MCRIP2: variants seen among roughly 807,000 people sequenced by gnomAD.
MCRIP2 encodes MAPK regulated corepressor interacting protein 2.
A neutral mutation model predicts 23.2 loss-of-function variants in MCRIP2; 21 were observed. That is an observed-to-expected ratio of 0.90 (90% CI 0.64 to 1.30). The LOEUF (loss-of-function observed/expected upper bound fraction) is 1.30. Among genes scored for constraint, MCRIP2 ranks in the 50% most tolerant of loss-of-function variants. The probability of loss-of-function intolerance (pLI) is 0.00; values close to 1 mark genes in which losing one functional copy is unlikely to be tolerated. For synonymous variants in MCRIP2, 121 were observed against 100.2 expected (o/e 1.21, Z -1.24); for missense variants, 234 against 223.2 (o/e 1.05, Z -0.31).
chr16:647,877 G>A lies in MCRIP2; in HGVS notation c.405G>A (p.Arg135=), dbSNP rs2151111098. 1 of 1,540,410 alleles carries A rather than the reference G, an allele frequency of 6.5e-7. No individual in the cohort carries two copies. Among genetic ancestry groups the A allele is most frequent in the East Asian group, 2.4e-5 (1 of 41,186 alleles). Reference sequence around the variant, plus strand: ...ACGTGGAGAGGACCCCCAATCCCCGGCTGCAGAGTGAGCCCCCCAACCCTG... The same window carrying A: ...ACGTGGAGAGGACCCCCAATCCCCGACTGCAGAGTGAGCCCCCCAACCCTG... ...VQYVERTPNP[R]LQNFVPIDLD... Residue 135 remains arginine, a synonymous_variant, in exon 4 of 5, where the codon CGG becomes CGA. Coordinates refer to ENST00000307650, the MANE Select transcript of MCRIP2 (RefSeq NM_138418.4).
intron 2 of MCRIP2, among the ~76,000 whole-genome samples, chr16:644,800 C>T (rs574863306): frequency 6.6e-5 from 10 of 151,216 alleles, no homozygotes; most frequent in African/African-American, 1.9e-4. Flanking sequence ...ACTGACTGGG[C>T]GCGGGAGGGG....
In MCRIP2 at chr16:642,043, G is replaced by A. The variant is rs893191802; in HGVS notation, c.52G>A (p.Gly18Ser). Residue 18 changes from glycine (G) to serine (S), a missense_variant and splice_region_variant, in exon 1 of 5, where the codon GGT becomes AGT. By Grantham distance (56) the Gly-to-Ser change is moderately conservative. Transcript: ENST00000307650. Reference protein sequence around the residue: ...PSKLVAQRRTGPTQQQVEGRL... With the variant: ...PSKLVAQRRTSPTQQQVEGRL... ...CAAGCTGGTCGCGCAGCGCCGCACA[G>A]GTGCGCACGGGCCGGGGAACGGGAA... 4 of 1,322,008 alleles carry A rather than the reference G, an allele frequency of 3.0e-6. No individual in the cohort carries two copies. The African/African-American group carries it at 4.6e-5, about 15-fold the overall frequency. 81.9% of individuals were successfully genotyped at this position (1,322,008 alleles called of 1,614,324 possible).
intron 2 of MCRIP2, among the ~76,000 whole-genome samples, chr16:644,531 C>T (rs982141390): frequency 6.6e-6 from 1 of 152,122 alleles, no homozygotes; most frequent in Non-Finnish European, 1.5e-5. Flanking sequence ...GCAGCCTCAA[C>T]CTCCCAGGTT....
intron 2 of MCRIP2, 23 bp from the exon 3 acceptor site, chr16:647,394 G>A (rs747403558): frequency 3.1e-6 from 5 of 1,611,496 alleles, no homozygotes; most frequent in East Asian, 2.2e-5. Context: ...CACCAACCAT[G>A]TCCGTCTCCT....
intron 3 of MCRIP2, 81 bp from the exon 4 acceptor site, chr16:647,702 G>A (rs1488444211): frequency 6.6e-7 from 1 of 1,508,904 alleles, no homozygotes; most frequent in East Asian, 2.4e-5. Flanking sequence ...TGTGGGGCTG[G>A]AGTCCAGGGT....
At position 641,928 on chromosome 16, in the gene MCRIP2, T is replaced by C. The variant is rs1347332062; in HGVS notation, c.-64T>C. On this transcript the variant is annotated 5_prime_UTR_variant, in exon 1 of 5. Transcript: ENST00000307650. Reference sequence around the variant, plus strand: ...CCCGCGGCGCCCGCAGTCCGTTAAGTGCGAGCCCCGGCGCAGGGGCCGGAT... The same window carrying C: ...CCCGCGGCGCCCGCAGTCCGTTAAGCGCGAGCCCCGGCGCAGGGGCCGGAT... 1 of 1,265,330 alleles carries C rather than the reference T, an allele frequency of 7.9e-7. No homozygotes were observed. Among genetic ancestry groups the C allele is most frequent in the South Asian group, 2.6e-5 (1 of 39,004 alleles). 78.4% of individuals were successfully genotyped at this position (1,265,330 alleles called of 1,614,324 possible). A position where few individuals can be genotyped will look rare whatever the true frequency, so the allele number is the denominator to read the frequency against.
At chr16:643,308 C>G (rs374876626) in intron 2 of MCRIP2, among the ~76,000 whole-genome samples, 1 of 152,176 alleles carries the variant, frequency 6.6e-6, no homozygotes, top group Non-Finnish European at 1.5e-5. Flanking sequence ...TAGCCACCAC[C>G]TGGTCCCCAG....
chr16:643,357 GTC>G (rs2037398067), intron 2 of MCRIP2, among the ~76,000 whole-genome samples: 1 of 152,044 alleles, frequency 6.6e-6, no homozygotes, highest in African/African-American at 2.4e-5. Context: ...GGGTGACGCC[GTC>G]TCTCTTAACC....
chr16:643,854 G>T (rs886316046), intron 2 of MCRIP2, among the ~76,000 whole-genome samples: 4 of 152,074 alleles, frequency 2.6e-5, no homozygotes, highest in Non-Finnish European at 5.9e-5. Flanking sequence ...GTCCCCATGT[G>T]AGGTCCTCTG....
At chr16:647,323 A>G (rs559074645) in intron 2 of MCRIP2, 94 bp from the exon 3 acceptor site, 2 of 1,553,996 alleles carry the variant, frequency 1.3e-6, no homozygotes, top group African/African-American at 1.4e-5. Context: ...AAGTCTGGGG[A>G]AAGTGGGCTG....
At position 642,239 on chromosome 16, in the gene MCRIP2, C is replaced by A; in HGVS notation, c.172C>A (p.Pro58Thr). The change falls in exon 2 of 5, where the codon CCC becomes ACC. Residue 58 changes from proline (P) to threonine (T), a missense_variant. Pro to Thr is a conservative substitution (Grantham distance 38). Coordinates refer to ENST00000307650, the MANE Select transcript of MCRIP2 (RefSeq NM_138418.4). Reference sequence around the variant, plus strand: ...CTTTGCGCAGCCGCCGGGACCCTGGCCCCTGTCGAGGTGAGACGCGCGCGG... The same window carrying A: ...CTTTGCGCAGCCGCCGGGACCCTGGACCCTGTCGAGGTGAGACGCGCGCGG... ...QPFAQPPGPW[P>T]LSSPGPRLVF... is the part of the protein sequence containing the mutation. 4 of 1,210,634 alleles carry A rather than the reference C, an allele frequency of 3.3e-6. No individual in the cohort carries two copies. Among genetic ancestry groups the A allele is most frequent in the Non-Finnish European group, 4.1e-6 (4 of 975,484 alleles). The allele number at this position is 1,210,634 out of a possible 1,614,324, so 75.0% of individuals were successfully genotyped here.
intron 2 of MCRIP2, 40 bp downstream of exon 2, chr16:642,289 C>T (rs1396909942): frequency 1.0e-5 from 12 of 1,149,192 alleles, no homozygotes; most frequent in Non-Finnish European, 1.3e-5. Context: ...GGCCCGGCTT[C>T]CCCTCCCCCG....
rs372187876 is a variant in MCRIP2, at chr16:647,373, C to T, written c.183-44C>T. On this transcript the variant is annotated intron_variant, in intron 2 of 4. Transcript: ENST00000307650. ...CTGAGTTCTGCCAGGCAGCACCGCA[C>T]CTGGGATGGGCACCAACCATGTCCG... The T allele has an allele frequency of 8.7e-6, 14 of 1,606,794 alleles. No homozygotes were observed. The African/African-American group carries it at 1.9e-4, about 21-fold the overall frequency.
rs1013225254 is a variant in MCRIP2 at position 647,764 on chromosome 16, G to T, written c.311-19G>T. The stretch of plus-strand genomic sequence containing the variant: ...GGGTGCCTGGGACCTGGCTCAGCCC[G>T]ACTGCCCTCCTCCCACAGCCTGGCA... On this transcript the variant is annotated intron_variant, in intron 3 of 4. Coordinates refer to ENST00000307650, the MANE Select transcript of MCRIP2 (RefSeq NM_138418.4). 5.2e-6 allele frequency: 8 copies of T among 1,551,826 alleles called. No homozygotes were observed. The Admixed American group carries it at 1.2e-4, about 23-fold the overall frequency.
At chr16:642,352 C>A (rs2037369014) in intron 2 of MCRIP2, 103 bp downstream of exon 2, 6 of 1,052,956 alleles carry the variant, frequency 5.7e-6, no homozygotes, top group Non-Finnish European at 7.0e-6. Flanking sequence ...TGAGGTCCGG[C>A]CACGTGCTGC....
In MCRIP2 at chr16:647,568, C is replaced by T. The variant is rs757258982; in HGVS notation, c.310+24C>T. The T allele has an allele frequency of 1.7e-5, 28 of 1,609,400 alleles. No individual in the cohort carries two copies. In the East Asian group the frequency reaches 2.9e-4, roughly 17 times the overall value. ...AGGTAGCGAGCGGGGCCAGAGGGTG[C>T]GGCATAGGCTGCTGGGTCGCAAAAC... On this transcript the variant is annotated intron_variant, in intron 3 of 4. Coordinates refer to ENST00000307650, the MANE Select transcript of MCRIP2 (RefSeq NM_138418.4).
intron 2 of MCRIP2, chr16:645,109 C>T (rs2037445502): frequency 6.6e-6 from 1 of 152,214 alleles, no homozygotes; most frequent in African/African-American, 2.4e-5. Context: ...CAGGCGCCCT[C>T]CACCACACCC....
At chr16:647,662 C>A (rs570255795) in intron 3 of MCRIP2, 118 bp downstream of exon 3, 11 of 1,531,880 alleles carry the variant, frequency 7.2e-6, no homozygotes, top group African/African-American at 5.5e-5. Context: ...TTCCTTGGCA[C>A]TCTGCCCTTG....
rs890224723 is a variant in MCRIP2 at position 646,223 on chromosome 16, T to A, written c.183-1194T>A. 6.6e-6 allele frequency: 1 copy of A among 152,174 alleles called. No homozygotes were observed. Among genetic ancestry groups the A allele is most frequent in the African/African-American group, 2.4e-5 (1 of 41,436 alleles). The allele number at this position is 152,174 out of a possible 1,614,324, so 9.4% of individuals were successfully genotyped here. ...CTTCTTAGACATTGATAATCCAACC[T>A]CCAAGCTTTCTTGGAGTTTCTGGCT... On this transcript the variant is annotated intron_variant, in intron 2 of 4. Coordinates refer to ENST00000307650, the MANE Select transcript of MCRIP2 (RefSeq NM_138418.4). This position sits in a 1 kb window ranked among gnomAD's most constrained non-coding sequence, Gnocchi z 6.5.
Sources: allele counts gnomAD v4.1 joint callset (sites outside exome capture counted in the v4.1 genomes callset), GRCh38; gene constraint gnomAD v4.1.1; non-coding constraint Gnocchi (gnomAD v3.1); transcripts MANE v1.5; gene names NCBI Gene and HGNC (gene_info 2026-07-23, HGNC 2026-07-21).